Variants in ORC5 observed in about 807,000 individuals in gnomAD.
The protein encoded by ORC5 is origin recognition complex subunit 5.
In ORC5, 39 loss-of-function variants were observed where a neutral mutation model predicts 58.8. That is an observed-to-expected ratio of 0.66 (90% CI 0.51 to 0.87). The LOEUF (loss-of-function observed/expected upper bound fraction) is 0.87. Among genes scored for constraint, ORC5 ranks in the 40% least tolerant of loss-of-function variants. The pLI is 0.00. For synonymous variants in ORC5, 218 were observed against 177.6 expected (o/e 1.23, Z -1.81); for missense variants, 493 against 506.3 (o/e 0.97, Z 0.25).
intron 12 of ORC5, among the ~76,000 whole-genome samples, chr7:104,158,858 G>A (rs1480287564): frequency 2.0e-5 from 3 of 151,928 alleles, no homozygotes; most frequent in Non-Finnish European, 2.9e-5. Flanking sequence ...GGAGAAATAG[G>A]AACACTTTTA....
intron 12 of ORC5, among the ~76,000 whole-genome samples, chr7:104,152,459 T>A (rs958846353): frequency 6.6e-6 from 1 of 152,212 alleles, no homozygotes; most frequent in Non-Finnish European, 1.5e-5. Flanking sequence ...TATTTTTAAA[T>A]GTACCACACA....
chr7:104,191,998 G>A (rs1253844633), intron 5 of ORC5, among the ~76,000 whole-genome samples: 1 of 152,136 alleles, frequency 6.6e-6, no homozygotes, highest in African/African-American at 2.4e-5. Flanking sequence ...ACAAATGGCA[G>A]TAACGGACCG....
chr7:104,186,780 A>T (rs1799552878), intron 6 of ORC5, among the ~76,000 whole-genome samples: 1 of 152,184 alleles, frequency 6.6e-6, no homozygotes, highest in Non-Finnish European at 1.5e-5. Flanking sequence ...AACTAAGAAC[A>T]TTGTGCTATT....
At chr7:104,165,021 T>C (rs17159689) in intron 11 of ORC5, among the ~76,000 whole-genome samples, 6,769 of 152,098 alleles carry the variant, frequency 0.045, 498 homozygotes, top group African/African-American at 0.15. Flanking sequence ...CTAAAAAACT[T>C]TGTCAACTCA....
chr7:104,193,814 A>G (rs1004539646), intron 5 of ORC5, among the ~76,000 whole-genome samples: 3 of 151,506 alleles, frequency 2.0e-5, no homozygotes, highest in African/African-American at 7.3e-5. Flanking sequence ...GCAAAAATCT[A>G]TTATCCTATA....
intron 5 of ORC5, among the ~76,000 whole-genome samples, chr7:104,189,675 G>A (rs999246646): frequency 4.2e-4 from 64 of 152,116 alleles, no homozygotes; most frequent in Admixed American, 2.4e-3. Context: ...ATGCTGAGAG[G>A]GTAGCACACT....
rs933761794 is a variant in ORC5 at position 104,138,686 on chromosome 7, A to G, written c.1150-1793T>C. ...CCACCACACCCAGCTAATTTTTTGT[A>G]TTTTTTGTAGACATGGGGTTTTGCC... On this transcript the variant is annotated intron_variant, in intron 12 of 13. Transcript: ENST00000297431. The surrounding 1 kb of genome is among the most constrained non-coding windows in gnomAD (Gnocchi z 4.7). Among the ~76,000 whole-genome samples the G allele has an allele frequency of 8.6e-5, 13 of 151,758 alleles. No individual in the cohort carries two copies. The highest frequency in any genetic ancestry group is 3.1e-4 in the African/African-American group (13 of 41,294).
chr7:104,173,055 G>C (rs1486979301), intron 8 of ORC5, among the ~76,000 whole-genome samples: 3 of 149,144 alleles, frequency 2.0e-5, no homozygotes, highest in African/African-American at 4.9e-5. Flanking sequence ...CCCCCAACAA[G>C]TAGAGCCAGG....
chr7:104,148,057 T>C (rs1286740811), intron 12 of ORC5, among the ~76,000 whole-genome samples: 1 of 152,144 alleles, frequency 6.6e-6, no homozygotes, highest in South Asian at 2.1e-4. Context: ...TTAATGACCA[T>C]GGTAATTAGT....
At chr7:104,130,992 C>G (rs575670109) in intron 13 of ORC5, among the ~76,000 whole-genome samples, 1 of 152,120 alleles carries the variant, frequency 6.6e-6, no homozygotes, top group African/African-American at 2.4e-5. Context: ...GATGTGATTT[C>G]GATTATAATT....
rs900902763 is a variant in ORC5 at position 104,138,032 on chromosome 7, C to T, written c.1150-1139G>A. On this transcript the variant is annotated intron_variant, in intron 12 of 13. Coordinates refer to ENST00000297431, the MANE Select transcript of ORC5 (RefSeq NM_002553.4). The surrounding 1 kb of genome is among the most constrained non-coding windows in gnomAD (Gnocchi z 4.7). ...AGCTGTAAGCATTCATCCCTAGATG[C>T]GGCCGTGAGATTGGAGCCCCACAAC... 6.6e-5 allele frequency among the ~76,000 whole-genome samples: 10 copies of T among 152,212 alleles called. No homozygotes were observed. Among genetic ancestry groups the T allele is most frequent in the East Asian group, 5.8e-4 (3 of 5,184 alleles).
rs1798585151 is a variant in ORC5 at position 104,136,187 on chromosome 7, T to C, written c.1262+594A>G. Among the ~76,000 whole-genome samples, 2 of 152,148 alleles carry C rather than the reference T, an allele frequency of 1.3e-5. No homozygotes were observed. The highest frequency in any genetic ancestry group is 2.4e-5 in the African/African-American group (1 of 41,430). On this transcript the variant is annotated intron_variant, in intron 13 of 13. Transcript: ENST00000297431. The surrounding 1 kb of genome is among the most constrained non-coding windows in gnomAD (Gnocchi z 4.2). The stretch of plus-strand genomic sequence containing the variant: ...ACACTTAAGACAGTTCACATGTCCT[T>C]CCTAAGGCTTTTCTCTCACACTCTG...
chr7:104,130,122 TTA>T (rs1412200801), intron 13 of ORC5, among the ~76,000 whole-genome samples: 1 of 152,142 alleles, frequency 6.6e-6, no homozygotes, highest in Non-Finnish European at 1.5e-5. Context: ...TCTATTTATC[TTA>T]TAGTGTCTTC....
At chr7:104,198,878 T>C (rs1369709411) in intron 3 of ORC5, among the ~76,000 whole-genome samples, 1 of 152,350 alleles carries the variant, frequency 6.6e-6, no homozygotes, top group Admixed American at 6.5e-5. Flanking sequence ...TGCTGCTTTG[T>C]GCAGTCTCGG....
At chr7:104,169,789 CCT>C (rs1361327633) in intron 8 of ORC5, among the ~76,000 whole-genome samples, 3 of 152,056 alleles carry the variant, frequency 2.0e-5, no homozygotes, top group East Asian at 3.9e-4. Flanking sequence ...TTAATTTTCC[CCT>C]TTCTCTTTTC....
chr7:104,177,797 C>CA (rs1352359777), intron 8 of ORC5, among the ~76,000 whole-genome samples: 13 of 152,268 alleles, frequency 8.5e-5, no homozygotes, highest in South Asian at 8.3e-4. Context: ...TGTTCAACGT[C>CA]CACTTAGAGT....
At position 104,195,243 on chromosome 7, in the gene ORC5, A is replaced by T. The variant is rs1799772767; in HGVS notation, c.453T>A (p.Asn151Lys). The T allele has an allele frequency of 1.3e-6, 2 of 1,540,442 alleles. No individual in the cohort carries two copies. The highest frequency in any genetic ancestry group is 2.8e-5 in the African/African-American group (2 of 70,700). Residue 151 changes from asparagine (N) to lysine (K), a missense_variant, in exon 5 of 14, where the codon AAT (asparagine) becomes AAA (lysine). By Grantham distance (94) the Asn-to-Lys change is moderately conservative. Coordinates refer to ENST00000297431, the MANE Select transcript of ORC5 (RefSeq NM_002553.4). ...TTTCACTGAGAAAGAGAACAGTCAC[A>T]TTTCTGTCAGCCTGTAAAAAGAAAG... Reference protein sequence around the residue: ...FLRLQELADRNVTVLFLSEIV... With the variant: ...FLRLQELADRKVTVLFLSEIV...
rs1167871599 is a variant in ORC5, at chr7:104,126,893, C to T, written c.1263G>A (p.Arg421=). ...VSLDFIRAIA[R]TVNFDIIKYL... is the part of the protein sequence containing the mutation. ...ATTTTATTATGTCAAAGTTCACCGT[C>T]CTAAAAACAAAAACAGATAATATGT... The change falls in exon 14 of 14, where the codon AGG becomes AGA. Residue 421 remains arginine, a splice_region_variant and synonymous_variant. Coordinates refer to ENST00000297431, the MANE Select transcript of ORC5 (RefSeq NM_002553.4). 6.2e-7 allele frequency: 1 copy of T among 1,602,416 alleles called. No homozygotes were observed. The highest frequency in any genetic ancestry group is 1.3e-5 in the African/African-American group (1 of 74,634).
intron 6 of ORC5, among the ~76,000 whole-genome samples, chr7:104,185,545 C>CG (rs1799526536): frequency 6.6e-6 from 1 of 152,156 alleles, no homozygotes; most frequent in Non-Finnish European, 1.5e-5. Flanking sequence ...GGATTGGCAG[C>CG]ACTACCTGCG....
Sources: allele counts gnomAD v4.1 joint callset (sites outside exome capture counted in the v4.1 genomes callset), GRCh38; gene constraint gnomAD v4.1.1; non-coding constraint Gnocchi (gnomAD v3.1); transcripts MANE v1.5; gene names NCBI Gene and HGNC (gene_info 2026-07-23, HGNC 2026-07-21).